Variants in LRRC36 observed in about 807,000 individuals in gnomAD.
LRRC36 encodes leucine rich repeat containing 36.
In LRRC36, 62 loss-of-function variants were observed where a neutral mutation model predicts 81.1. The ratio of observed to expected loss-of-function variants is 0.76; its 90% CI spans 0.62 to 0.94. The LOEUF is 0.94. Ranked by LOEUF, LRRC36 falls within the 40% of genes least tolerant of loss-of-function variation. The pLI is 0.00. For synonymous variants in LRRC36, 334 were observed against 348.6 expected, an observed-to-expected ratio of 0.96 and a Z score of 0.47; for missense variants, 761 against 881.7, an observed-to-expected ratio of 0.86 and a Z score of 1.73.
At chr16:67,356,009 G>C (rs2142059430) in intron 5 of LRRC36, among the ~76,000 whole-genome samples, 1 of 152,330 alleles carries the variant, frequency 6.6e-6, no homozygotes, top group South Asian at 2.1e-4. Context: ...GGTTTGGGTG[G>C]AAGGTTTATG....
intron 2 of LRRC36, among the ~76,000 whole-genome samples, chr16:67,342,655 C>T (rs2038148562): frequency 6.6e-6 from 1 of 152,158 alleles, no homozygotes; most frequent in African/African-American, 2.4e-5. Context: ...CAAACACGCA[C>T]AAAGAACTCT....
chr16:67,372,357 C>CA (rs1292857870), intron 9 of LRRC36, among the ~76,000 whole-genome samples: 132 of 129,504 alleles, frequency 1.0e-3, no homozygotes, highest in Middle Eastern at 4.2e-3. Context: ...ACTCTGTCTC[C>CA]AAAAAAAAAA....
chr16:67,365,495 TG>T (rs1567491382), intron 7 of LRRC36, 140 bp downstream of exon 7: 26 of 648,598 alleles, frequency 4.0e-5, no homozygotes, highest in Non-Finnish European at 1.1e-5. Flanking sequence ...GGGACTGTCC[TG>T]GATGATTAGT....
At chr16:67,384,754 C>T (rs547168074) in intron 13 of LRRC36, 116 bp from the exon 14 acceptor site, 1 of 698,030 alleles carries the variant, frequency 1.4e-6, no homozygotes, top group South Asian at 1.8e-5. Flanking sequence ...TGGACAGTTC[C>T]TTCTATTTAA....
Position 67,363,711 on chromosome 16 carries a change from A to G in LRRC36, c.699A>G (p.Thr233=). 1 of 1,613,724 alleles carries G rather than the reference A, an allele frequency of 6.2e-7. No individual in the cohort carries two copies. The highest frequency in any genetic ancestry group is 8.5e-7 in the Non-Finnish European group (1 of 1,179,724). Residue 233 remains threonine (T), a synonymous_variant, in exon 6 of 14, where the codon ACA becomes ACG. Transcript: ENST00000329956. Reference sequence around the variant, plus strand: ...AATTAGACACCTTCCCACTGGGGACACAGGTAATGTATTCACTCTCCTGCT... The same window carrying G: ...AATTAGACACCTTCCCACTGGGGACGCAGGTAATGTATTCACTCTCCTGCT... ...DQKLDTFPLG[T]QTQEVARREM...
At chr16:67,335,031 A>G (rs576991934) in intron 1 of LRRC36, among the ~76,000 whole-genome samples, 1 of 152,354 alleles carries the variant, frequency 6.6e-6, no homozygotes, top group East Asian at 1.9e-4. Flanking sequence ...ACAGGACCAC[A>G]GGACCGGGGT....
rs2039906632 is a variant in LRRC36 at position 67,376,651 on chromosome 16, C to T, written c.1661-76C>T. On this transcript the variant is annotated intron_variant, in intron 10 of 13. Coordinates refer to ENST00000329956, the MANE Select transcript of LRRC36 (RefSeq NM_018296.6). ...ACATTAGCCTATTTGATCCAGAGAG[C>T]TGGTAGTTACTGACTAGGAATGCTG... The T allele has an allele frequency of 7.0e-6, 10 of 1,429,304 alleles. No individual in the cohort carries two copies. In the Middle Eastern group the frequency reaches 5.5e-4, roughly 78 times the overall value. 88.5% of individuals were successfully genotyped at this position (1,429,304 alleles called of 1,614,324 possible). A position where few individuals can be genotyped will look rare whatever the true frequency, so the allele number is the denominator to read the frequency against.
intron 3 of LRRC36, among the ~76,000 whole-genome samples, chr16:67,347,126 T>TCC (rs2038387969): frequency 6.6e-6 from 1 of 152,218 alleles, no homozygotes; most frequent in Non-Finnish European, 1.5e-5. Flanking sequence ...TATACATTTC[T>TCC]TATTGATACA....
At chr16:67,339,037 G>A in intron 1 of LRRC36, among the ~76,000 whole-genome samples, 1 of 150,976 alleles carries the variant, frequency 6.6e-6, no homozygotes, top group East Asian at 1.9e-4. Flanking sequence ...TGGGATCACA[G>A]GCATGTGCCA....
rs190394598 is a variant in LRRC36 at position 67,335,147 on chromosome 16, G to A, written c.71-6810G>A. 9.3e-4 allele frequency among the ~76,000 whole-genome samples: 141 copies of A among 152,290 alleles called. 1 individual carries two copies. The highest frequency in any genetic ancestry group is 3.2e-3 in the African/African-American group (133 of 41,564). On this transcript the variant is annotated intron_variant, in intron 1 of 13. Coordinates refer to ENST00000329956, the MANE Select transcript of LRRC36 (RefSeq NM_018296.6). ...CAACTGGTCTGACCAAAATTTATTAGGTGGGAATTTCCTCGTCCTAATAAG... is the reference window on the plus strand; with the variant it reads ...CAACTGGTCTGACCAAAATTTATTAAGTGGGAATTTCCTCGTCCTAATAAG...
rs117886201 is a variant in LRRC36, at chr16:67,342,689, G to A, written c.198+605G>A. Among the ~76,000 whole-genome samples the A allele has an allele frequency of 2.0e-4, 30 of 152,306 alleles. No individual in the cohort carries two copies. In the East Asian group the frequency reaches 5.4e-3, roughly 27 times the overall value. ...CTACAAACATGAGTGTGCACACACA[G>A]AGATGGAGTTTTGTTTTCTTTGTGG... is the stretch of plus-strand genomic sequence containing the variant. On this transcript the variant is annotated intron_variant, in intron 2 of 13. Transcript: ENST00000329956.
chr16:67,334,947 G>A (rs375237837), intron 1 of LRRC36, among the ~76,000 whole-genome samples: 141 of 152,230 alleles, frequency 9.3e-4, no homozygotes, highest in Admixed American at 2.2e-3. Context: ...GTACGAATAG[G>A]GGGTGGGTCA....
chr16:67,345,458 A>G (rs1317153223), intron 2 of LRRC36, among the ~76,000 whole-genome samples: 1 of 152,304 alleles, frequency 6.6e-6, no homozygotes, highest in African/African-American at 2.4e-5. Context: ...GAGGAAGAAA[A>G]CTGTGGCTTT....
chr16:67,343,863 TTGGAGTGCAGTAG>T (rs2038215821), intron 2 of LRRC36, among the ~76,000 whole-genome samples: 2 of 151,936 alleles, frequency 1.3e-5, no homozygotes, highest in African/African-American at 4.8e-5. Context: ...GTCGTCCAGG[TTGGAGTGCAGTAG>T]TGTGATCTTG....
chr16:67,340,845 C>CACATATACTCTATAGAATATATACT (rs71145968), intron 1 of LRRC36, among the ~76,000 whole-genome samples: 32,752 of 49,048 alleles, frequency 0.67, 15,835 homozygotes, highest in East Asian at 0.85. Context: ...GAATATATAC[C>CACATATACTCTATAGAATATATACT]ACATATACTC....
chr16:67,366,877 C>G, intron 7 of LRRC36, 140 bp from the exon 8 acceptor site: 1 of 645,136 alleles, frequency 1.6e-6, no homozygotes, highest in Non-Finnish European at 2.7e-6. Context: ...TTTATGCTAC[C>G]ATTGATCAGA....
intron 1 of LRRC36, among the ~76,000 whole-genome samples, chr16:67,329,673 T>G (rs578105307): frequency 3.3e-3 from 495 of 152,134 alleles, no homozygotes; most frequent in Non-Finnish European, 5.6e-3. Context: ...ATCCCAGCAC[T>G]TTGGGAGGCC....
chr16:67,378,455 G>C, intron 11 of LRRC36, 134 bp from the exon 12 acceptor site: 1 of 646,564 alleles, frequency 1.5e-6, no homozygotes, highest in South Asian at 1.8e-5. Context: ...GCCCAGGCTG[G>C]TCTCGAACTC....
chr16:67,327,834 G>C (rs9939523), intron 1 of LRRC36, among the ~76,000 whole-genome samples: 26,937 of 152,110 alleles, frequency 0.18, 5,710 homozygotes, highest in African/African-American at 0.51. Flanking sequence ...TGTGCCAAAT[G>C]CTATTGACAG....
Sources: allele counts gnomAD v4.1 joint callset (sites outside exome capture counted in the v4.1 genomes callset), GRCh38; gene constraint gnomAD v4.1.1; transcripts MANE v1.5; gene names NCBI Gene and HGNC (gene_info 2026-07-23, HGNC 2026-07-21).